SLC4A5: variants seen among roughly 807,000 people sequenced by gnomAD.
SLC4A5 encodes the protein solute carrier family 4 member 5.
Under a neutral mutation model 120.4 loss-of-function variants are expected in SLC4A5, and 96 were observed. The observed-to-expected ratio is 0.80, with a 90% CI of 0.68 to 0.94. The LOEUF is 0.94. SLC4A5 is among the 40% of genes least tolerant of loss of function. The pLI is 0.00. For synonymous variants in SLC4A5, 550 were observed against 571.1 expected, an observed-to-expected ratio of 0.96 and a Z score of 0.53; for missense variants, 1,259 against 1,459.5, an observed-to-expected ratio of 0.86 and a Z score of 2.24.
intron 27 of SLC4A5, 54 bp downstream of exon 27, chr2:74,226,903 G>T: frequency 6.3e-7 from 1 of 1,583,536 alleles, no homozygotes; most frequent in South Asian, 1.2e-5. Context: ...CTGCACCTCT[G>T]GGTTGCCCAG....
At chr2:74,227,411 CTG>C in intron 26 of SLC4A5, 3 of 1,461,256 alleles carry the variant, frequency 2.1e-6, no homozygotes, top group Non-Finnish European at 2.8e-6. Context: ...GTAACACAAA[CTG>C]TTTAAGAATT....
chr2:74,316,723 A>G (rs1672976585), intron 5 of SLC4A5, among the ~76,000 whole-genome samples: 1 of 152,196 alleles, frequency 6.6e-6, no homozygotes, highest in Non-Finnish European at 1.5e-5. Context: ...CCTTGAGACA[A>G]GCAATATTAG....
chr2:74,329,931 T>C (rs1432072639), intron 4 of SLC4A5, among the ~76,000 whole-genome samples: 1 of 149,074 alleles, frequency 6.7e-6, no homozygotes, highest in Admixed American at 6.6e-5. Context: ...TAGACAGAGG[T>C]GTGAGGTGGA....
chr2:74,324,027 G>T (rs903775273), intron 5 of SLC4A5, among the ~76,000 whole-genome samples: 4 of 152,196 alleles, frequency 2.6e-5, no homozygotes, highest in Non-Finnish European at 4.4e-5. Context: ...GCTCTTACAT[G>T]TGTTAATTGA....
At chr2:74,226,871 G>T in intron 27 of SLC4A5, 86 bp downstream of exon 27, 1 of 1,460,004 alleles carries the variant, frequency 6.8e-7, no homozygotes, top group Non-Finnish European at 9.4e-7. Flanking sequence ...GAAGGCAGAA[G>T]GTGGCAGGAG....
chr2:74,227,487 G>T, intron 26 of SLC4A5: 1 of 1,603,310 alleles, frequency 6.2e-7, no homozygotes, highest in Non-Finnish European at 8.5e-7. Context: ...CTGCCTTAGG[G>T]AAGAGAGAGA....
intron 6 of SLC4A5, among the ~76,000 whole-genome samples, chr2:74,308,394 T>G (rs1240155598): frequency 1.3e-5 from 2 of 152,366 alleles, no homozygotes; most frequent in East Asian, 3.9e-4. Context: ...CATTTGGTAT[T>G]GGCAGTTTTT....
intron 7 of SLC4A5, chr2:74,290,397 G>A: frequency 2.0e-6 from 2 of 985,380 alleles, no homozygotes; most frequent in African/African-American, 1.7e-5. Flanking sequence ...AGCACCAGGG[G>A]AGGTGTGGGG....
chr2:74,304,539 C>G lies in SLC4A5; in HGVS notation c.221G>C (p.Gly74Ala), dbSNP rs369479664. Residue 74 changes from glycine to alanine, a missense_variant, in exon 7 of 31, where the codon GGG becomes GCG. By Grantham distance (60) the Gly-to-Ala change is moderately conservative (BLOSUM62 0). Coordinates refer to ENST00000394019, the Ensembl canonical transcript of SLC4A5. Reference sequence around the variant, plus strand: ...GCTGTCCTGGCTGCTTGCCCCACTCCCTGGGCCAGTCAGTTCCTGCTGTGG... The same window carrying G: ...GCTGTCCTGGCTGCTTGCCCCACTCGCTGGGCCAGTCAGTTCCTGCTGTGG... The G allele has an allele frequency of 5.3e-5, 85 of 1,614,030 alleles. No homozygotes were observed. The highest frequency in any genetic ancestry group is 6.3e-5 in the Non-Finnish European group (74 of 1,180,020).
At chr2:74,263,864 G>A (rs953247079) in intron 10 of SLC4A5, among the ~76,000 whole-genome samples, 1 of 152,138 alleles carries the variant, frequency 6.6e-6, no homozygotes, top group Non-Finnish European at 1.5e-5. Context: ...TCCAAGGTGG[G>A]GCCCAGGCAT....
chr2:74,262,794 C>T (rs780815596), intron 10 of SLC4A5, among the ~76,000 whole-genome samples: 1 of 152,062 alleles, frequency 6.6e-6, no homozygotes. Context: ...GTGTAGTAGA[C>T]TGCTTGGGTT....
intron 19 of SLC4A5, among the ~76,000 whole-genome samples, chr2:74,242,762 C>T (rs934227596): frequency 6.6e-6 from 1 of 152,208 alleles, no homozygotes; most frequent in Admixed American, 6.5e-5. Context: ...AAGTGATTCT[C>T]GTGTCTCACC....
In SLC4A5 at chr2:74,263,036, G is replaced by A. The variant is rs77120233; in HGVS notation, c.716-804C>T. On this transcript the variant is annotated intron_variant, in intron 10 of 30. Transcript: ENST00000394019. ...TATTATGGTATGTTAAACACTTCCC[G>A]TTGTTTTGGGAGCGATTTTTTGAGA... Among the ~76,000 whole-genome samples, 9 of 152,242 alleles carry A rather than the reference G, an allele frequency of 5.9e-5. No individual in the cohort carries two copies. The East Asian group carries it at 7.7e-4, about 13-fold the overall frequency.
chr2:74,227,949 A>C, intron 25 of SLC4A5, 71 bp from the exon 26 acceptor site: 1 of 1,192,562 alleles, frequency 8.4e-7, no homozygotes, highest in Non-Finnish European at 1.2e-6. Context: ...TCTGGATGAC[A>C]GTGGCTCCTG....
chr2:74,232,478 A>C, exon 24 of SLC4A5: 1 of 1,613,882 alleles, frequency 6.2e-7, no homozygotes, highest in South Asian at 1.1e-5. Flanking sequence ...CCTGACTCCC[A>C]GAAACTGGGG....
intron 8 of SLC4A5, among the ~76,000 whole-genome samples, chr2:74,284,879 C>T (rs1671933113): frequency 6.6e-6 from 1 of 152,144 alleles, no homozygotes; most frequent in Non-Finnish European, 1.5e-5. Context: ...AACTCTGCAG[C>T]CCCAAACTCT....
chr2:74,309,780 T>C (rs965976279), intron 6 of SLC4A5, among the ~76,000 whole-genome samples: 8 of 151,758 alleles, frequency 5.3e-5, no homozygotes, highest in Non-Finnish European at 1.0e-4. Context: ...CTCAGGGTCC[T>C]GAGTAACTGG....
chr2:74,227,656 C>T (rs1183210194), intron 26 of SLC4A5, 154 bp downstream of exon 26: 25 of 1,182,078 alleles, frequency 2.1e-5, no homozygotes, highest in Non-Finnish European at 3.0e-5. Flanking sequence ...CTGATAGCAT[C>T]AGTAAGTGGT....
At chr2:74,264,956 T>C (rs1671256745) in intron 9 of SLC4A5, 148 bp downstream of exon 9, 1 of 866,724 alleles carries the variant, frequency 1.2e-6, no homozygotes, top group Non-Finnish European at 1.7e-6. Context: ...GATCCTGCCC[T>C]GGGAGCAACA....
Sources: gnomAD v4.1 joint callset for allele counts (sites outside exome capture counted in the v4.1 genomes callset) on GRCh38, gnomAD v4.1.1 for gene constraint, MANE v1.5 for transcripts, NCBI Gene and HGNC (gene_info 2026-07-23, HGNC 2026-07-21) for gene names.